The following GNAL variants were observed in gnomAD, a reference collection of about 807,000 sequenced individuals.
GNAL encodes the protein guanine nucleotide-binding protein G(olf) subunit alpha.
In GNAL, 18 loss-of-function variants were observed where a neutral mutation model predicts 55.1. The observed-to-expected ratio is 0.33, with a 90% CI of 0.23 to 0.48. The LOEUF is 0.48. GNAL is among the 20% of genes least tolerant of loss of function. The pLI is 0.99. For synonymous variants in GNAL, 253 were observed against 237.0 expected (o/e 1.07, Z -0.62); for missense variants, 412 against 614.1 (o/e 0.67, Z 3.48).
At chr18:11,720,449 G>A (rs1398435196) in intron 1 of GNAL, among the ~76,000 whole-genome samples, 3 of 152,188 alleles carry the variant, frequency 2.0e-5, no homozygotes. Context: ...GATGTCATCT[G>A]TCAATGCTGA....
chr18:11,761,169 G>A (rs1277674616), intron 4 of GNAL, among the ~76,000 whole-genome samples: 1 of 152,150 alleles, frequency 6.6e-6, no homozygotes, highest in Non-Finnish European at 1.5e-5. Context: ...TCCACGGGGA[G>A]TCAGTCGCAC....
chr18:11,786,264 A>G (rs759734573), intron 4 of GNAL, among the ~76,000 whole-genome samples: 1 of 151,990 alleles, frequency 6.6e-6, no homozygotes, highest in Non-Finnish European at 1.5e-5. Flanking sequence ...ATTATAGAGA[A>G]GAATATGAAA....
Position 11,788,914 on chromosome 18 carries a change from A to AAT in GNAL, c.624+34991_624+34992dup, listed in dbSNP as rs766675246. Among the ~76,000 whole-genome samples, 107 of 56,266 alleles carry AAT rather than the reference A, an allele frequency of 1.9e-3. 2 individuals carry two copies. Among genetic ancestry groups the AAT allele is most frequent in the Middle Eastern group, 0.013 (1 of 80 alleles). 36.9% of individuals were successfully genotyped at this position (56,266 alleles called of 152,430 possible). Reference sequence around the variant, plus strand: ...TCCGTCTCGAAAAAAAAAAAAAAAAAATATATATATATATATATATATACA... The same window carrying AAT: ...TCCGTCTCGAAAAAAAAAAAAAAAAAATATATATATATATATATATATATACA... On this transcript the variant is annotated intron_variant, in intron 4 of 11. Coordinates refer to ENST00000334049, the MANE Select transcript of GNAL (RefSeq NM_182978.4).
At chr18:11,846,234 G>A (rs374495732) in intron 5 of GNAL, among the ~76,000 whole-genome samples, 5 of 151,890 alleles carry the variant, frequency 3.3e-5, no homozygotes, top group East Asian at 3.9e-4. Context: ...TGCCAACTTC[G>A]ACTAACATGG....
chr18:11,772,637 G>A (rs1037614237), intron 4 of GNAL, among the ~76,000 whole-genome samples: 2 of 152,132 alleles, frequency 1.3e-5, no homozygotes, highest in African/African-American at 4.8e-5. Context: ...AACTCTCTAC[G>A]AGACTTGTCC....
chr18:11,824,831 C>T, intron 4 of GNAL, 87 bp from the exon 5 acceptor site: 1 of 706,154 alleles, frequency 1.4e-6, no homozygotes, highest in Non-Finnish European at 2.4e-6. Flanking sequence ...TTGCAAAAAA[C>T]AGTTTTTGCA....
chr18:11,795,154 CT>C (rs554810635), intron 4 of GNAL, among the ~76,000 whole-genome samples: 158 of 152,216 alleles, frequency 1.0e-3, no homozygotes, highest in African/African-American at 3.8e-3. Context: ...AATCCCAGCA[CT>C]TTGGGAGCTG....
At chr18:11,800,012 G>A (rs1343492936) in intron 4 of GNAL, among the ~76,000 whole-genome samples, 2 of 151,974 alleles carry the variant, frequency 1.3e-5, no homozygotes, top group Non-Finnish European at 2.9e-5. Flanking sequence ...TACTGGCCAT[G>A]AAACTAAAAT....
At chr18:11,822,479 C>T (rs150856438) in intron 4 of GNAL, among the ~76,000 whole-genome samples, 17,433 of 152,224 alleles carry the variant, frequency 0.11, 1,362 homozygotes, top group East Asian at 0.34. Context: ...TGGCACGCGG[C>T]TGTAGTCCCA....
At chr18:11,720,477 T>C (rs974262433) in intron 1 of GNAL, among the ~76,000 whole-genome samples, 1 of 152,264 alleles carries the variant, frequency 6.6e-6, no homozygotes, top group South Asian at 2.1e-4. Flanking sequence ...TGCGACGTTA[T>C]GTGTTTCATC....
intron 1 of GNAL, among the ~76,000 whole-genome samples, chr18:11,718,827 A>G (rs1206250500): frequency 2.0e-4 from 31 of 152,172 alleles, no homozygotes; most frequent in Non-Finnish European, 8.8e-5. Context: ...GTAGTGAAGA[A>G]TGGTTAATGT....
chr18:11,871,281 C>A (rs1308177718), intron 9 of GNAL, among the ~76,000 whole-genome samples: 1 of 148,094 alleles, frequency 6.8e-6, no homozygotes, highest in East Asian at 2.0e-4. Context: ...GACAGAGTCT[C>A]GCTCTGTCCC....
Position 11,837,685 on chromosome 18 carries a change from C to T in GNAL, c.722+12670C>T, listed in dbSNP as rs147574745. On this transcript the variant is annotated intron_variant, in intron 5 of 11. Coordinates refer to ENST00000334049, the MANE Select transcript of GNAL (RefSeq NM_182978.4). ...CTGGTGGGAATGTAAAATAGTCCAG[C>T]CACTTTGGAAAACAAACTGGTAGTT... 1.9e-3 allele frequency among the ~76,000 whole-genome samples: 290 copies of T among 152,272 alleles called. 2 individuals are homozygous for T. Among genetic ancestry groups the T allele is most frequent in the African/African-American group, 6.9e-3 (285 of 41,562 alleles).
chr18:11,862,101 C>T (rs963165122), intron 5 of GNAL, among the ~76,000 whole-genome samples: 1 of 152,010 alleles, frequency 6.6e-6, no homozygotes, highest in African/African-American at 2.4e-5. Flanking sequence ...GCTCCATGCT[C>T]TCTCCCAGTT....
Position 11,876,618 on chromosome 18 carries a change from C to T in GNAL, c.1163-3C>T. ...AATAAAGTTCCATTTGTCATTTCTACAGCAACACCAGATGCAGGAGAAGAT... is the reference window on the plus strand; with the variant it reads ...AATAAAGTTCCATTTGTCATTTCTATAGCAACACCAGATGCAGGAGAAGAT... On this transcript the variant is annotated splice_polypyrimidine_tract_variant and splice_region_variant and intron_variant, in intron 10 of 11. Transcript: ENST00000334049. 6.4e-7 allele frequency: 1 copy of T among 1,572,800 alleles called. No individual in the cohort carries two copies. The highest frequency in any genetic ancestry group is 1.3e-5 in the African/African-American group (1 of 74,282).
intron 4 of GNAL, among the ~76,000 whole-genome samples, chr18:11,789,074 C>T (rs1209512579): frequency 6.6e-6 from 1 of 151,712 alleles, no homozygotes; most frequent in Non-Finnish European, 1.5e-5. Context: ...CCTGCTCCCA[C>T]CTCTAACTAG....
chr18:11,726,291 T>G (rs377023635), intron 1 of GNAL, among the ~76,000 whole-genome samples: 4 of 152,258 alleles, frequency 2.6e-5, no homozygotes, highest in African/African-American at 9.6e-5. Flanking sequence ...TTAATAGGCC[T>G]TGGTGAACAA....
intron 1 of GNAL, among the ~76,000 whole-genome samples, chr18:11,743,646 T>G (rs1390714036): frequency 6.6e-6 from 1 of 152,242 alleles, no homozygotes; most frequent in Admixed American, 6.5e-5. Context: ...TTAGACTGGT[T>G]TTGAAACTTC....
chr18:11,814,801 G>A (rs2034910472), intron 4 of GNAL, among the ~76,000 whole-genome samples: 1 of 151,888 alleles, frequency 6.6e-6, no homozygotes, highest in Admixed American at 6.6e-5. Context: ...GGGAGGCTAA[G>A]GCAGGAGAAT....
Sources: gnomAD v4.1 joint callset for allele counts (sites outside exome capture counted in the v4.1 genomes callset) on GRCh38, gnomAD v4.1.1 for gene constraint, MANE v1.5 for transcripts, NCBI Gene and HGNC (gene_info 2026-07-23, HGNC 2026-07-21) for gene names.